Variants in LRRC31 observed in about 807,000 individuals in gnomAD.
The protein encoded by LRRC31 is leucine rich repeat containing 31.
A neutral mutation model predicts 46.7 loss-of-function variants in LRRC31; 35 were observed. That is an observed-to-expected ratio of 0.75 (90% CI 0.57 to 0.99). The LOEUF is 0.99. LRRC31 is among the 50% of genes least tolerant of loss of function. The pLI is 0.00. For missense variants in LRRC31, 613 were observed against 626.1 expected, an observed-to-expected ratio of 0.98 and a Z score of 0.22; for synonymous variants, 236 against 235.1, an observed-to-expected ratio of 1.00 and a Z score of -0.03.
intron 5 of LRRC31, among the ~76,000 whole-genome samples, chr3:169,855,274 C>T (rs1026132196): frequency 1.3e-5 from 2 of 151,998 alleles, no homozygotes; most frequent in East Asian, 1.9e-4. Flanking sequence ...TCTGACATAT[C>T]GCAAGGTGGT....
intron 1 of LRRC31, among the ~76,000 whole-genome samples, chr3:169,864,018 GTGTGTGTGTGT>G (rs976798866): frequency 2.6e-4 from 38 of 145,010 alleles, no homozygotes; most frequent in African/African-American, 1.0e-3. Flanking sequence ...GTGTGTGTGT[GTGTGTGTGTGT>G]TATTTTTGTA....
chr3:169,840,172 AG>A lies in LRRC31; in HGVS notation c.1468del (p.Leu490PhefsTer20), dbSNP rs756601897. 1.7e-5 allele frequency: 27 copies of A among 1,614,040 alleles called. No homozygotes were observed. The highest frequency in any genetic ancestry group is 1.6e-4 in the Middle Eastern group (1 of 6,084). On this transcript the variant is annotated frameshift_variant, in exon 9 of 9. Transcript: ENST00000316428. LOFTEE classifies it low-confidence loss of function (END_TRUNC). ...ACAATCTCGAAAATTTGATGGTCGA[AG>A]GCTAATATCCAGCTCGATTAGCTCT... ...LKELIELDIS[L>X]RPSNFRDCGQ...
chr3:169,861,225 C>T (rs1781142312), intron 2 of LRRC31, among the ~76,000 whole-genome samples: 1 of 151,398 alleles, frequency 6.6e-6, no homozygotes, highest in Admixed American at 6.6e-5. Context: ...CCCGCCACCA[C>T]GCCTGGCTAA....
intron 5 of LRRC31, 69 bp downstream of exon 5, chr3:169,856,267 T>C: frequency 1.2e-6 from 1 of 859,272 alleles, no homozygotes. Context: ...AACTTTTCAA[T>C]ATATATATTT....
At position 169,840,271 on chromosome 3, in the gene LRRC31, A is replaced by G. The variant is rs1004777113; in HGVS notation, c.1370T>C (p.Leu457Pro). 2.5e-6 allele frequency: 4 copies of G among 1,614,062 alleles called. No individual in the cohort carries two copies. The highest frequency in any genetic ancestry group is 2.7e-5 in the African/African-American group (2 of 74,918). Residue 457 changes from leucine to proline, a missense_variant, in exon 9 of 9, where the codon CTG becomes CCG. Physicochemically the swap from Leu to Pro is moderately conservative, Grantham distance 98 (BLOSUM62 -3). Transcript: ENST00000316428. ...GATGCTGTCATTGTAGCTCAGGTCCAGCTTTTGCAGTTTGGCCAGATGACC... is the reference window on the plus strand; with the variant it reads ...GATGCTGTCATTGTAGCTCAGGTCCGGCTTTTGCAGTTTGGCCAGATGACC... Reference protein sequence around the residue: ...QTGHLAKLQKLDLSYNDSICD... With the variant: ...QTGHLAKLQKPDLSYNDSICD...
At chr3:169,843,855 G>C (rs537477097) in intron 8 of LRRC31, among the ~76,000 whole-genome samples, 2 of 152,206 alleles carry the variant, frequency 1.3e-5, no homozygotes, top group South Asian at 4.2e-4. Flanking sequence ...AGATGAAATG[G>C]GCCAATTTCT....
chr3:169,846,752 C>T (rs1268098961), intron 8 of LRRC31, among the ~76,000 whole-genome samples: 1 of 152,204 alleles, frequency 6.6e-6, no homozygotes, highest in Non-Finnish European at 1.5e-5. Context: ...GGACAGGCCA[C>T]TTCTACAAAC....
At chr3:169,868,235 A>C (rs1398244620) in intron 1 of LRRC31, among the ~76,000 whole-genome samples, 1 of 152,126 alleles carries the variant, frequency 6.6e-6, no homozygotes, top group African/African-American at 2.4e-5. Flanking sequence ...ACTCTCTCTC[A>C]AGCACTCTAG....
intron 6 of LRRC31, chr3:169,853,731 G>T: frequency 1.0e-6 from 1 of 982,400 alleles, no homozygotes. Flanking sequence ...AGAGATAAGA[G>T]TCTGAAAGAT....
intron 7 of LRRC31, among the ~76,000 whole-genome samples, chr3:169,850,947 T>A (rs1223232224): frequency 6.6e-6 from 1 of 152,120 alleles, no homozygotes; most frequent in African/African-American, 2.4e-5. Context: ...CTCCCTTTAC[T>A]TGCTGACACT....
chr3:169,860,687 T>C lies in LRRC31; in HGVS notation c.361A>G (p.Ile121Val). ...PFLPDLEELD[I>V]SWNGFVGGTL... ...CCACCTACAAAACCATTCCAGGAGA[T>C]ATCCAGTTCTTCCAAGTCTGGGAGA... Residue 121 changes from isoleucine to valine, a missense_variant, in exon 3 of 9, where the codon ATC becomes GTC. Coordinates refer to ENST00000316428, the MANE Select transcript of LRRC31 (RefSeq NM_024727.4). 1.2e-6 allele frequency: 2 copies of C among 1,614,110 alleles called. No homozygotes were observed. Among genetic ancestry groups the C allele is most frequent in the Non-Finnish European group, 1.7e-6 (2 of 1,179,990 alleles).
intron 3 of LRRC31, among the ~76,000 whole-genome samples, chr3:169,860,086 G>T (rs1356228998): frequency 6.6e-6 from 1 of 151,842 alleles, no homozygotes; most frequent in Non-Finnish European, 1.5e-5. Context: ...AGAGGTTGCA[G>T]TGAGCCGAGA....
rs143295739 is a variant in LRRC31, at chr3:169,847,203, G to A, written c.1327+917C>T. On this transcript the variant is annotated intron_variant, in intron 8 of 8. Coordinates refer to ENST00000316428, the MANE Select transcript of LRRC31 (RefSeq NM_024727.4). ...TTTATTTTGTTTTGTTTTGTTTTTT[G>A]AGAAGGAGTTTCGCCCCTGCTGCCC... Among the ~76,000 whole-genome samples the A allele has an allele frequency of 8.9e-4, 136 of 152,226 alleles. 1 individual carries two copies. The East Asian group carries it at 0.024, about 27-fold the overall frequency.
chr3:169,861,687 G>A lies in LRRC31; in HGVS notation c.302C>T (p.Ala101Val), dbSNP rs1355241684. The A allele has an allele frequency of 7.4e-6, 12 of 1,613,778 alleles. No homozygotes were observed. Among genetic ancestry groups the A allele is most frequent in the South Asian group, 1.1e-5 (1 of 91,066 alleles). ...LDLNNCGLTT[A>V]DMKEMVALLP... Reference sequence around the variant, plus strand: ...ATACAGACCCATTTCTTTCATGTCCGCTGTTGTTAATCCACAGTTATTCAA... The same window carrying A: ...ATACAGACCCATTTCTTTCATGTCCACTGTTGTTAATCCACAGTTATTCAA... The change falls in exon 2 of 9, where the codon GCG becomes GTG. Residue 101 changes from alanine (A) to valine (V), a missense_variant. Ala to Val is a moderately conservative substitution (Grantham distance 64). Transcript: ENST00000316428.
chr3:169,841,488 C>A (rs750288656), intron 8 of LRRC31, among the ~76,000 whole-genome samples: 59 of 152,330 alleles, frequency 3.9e-4, no homozygotes, highest in Non-Finnish European at 6.6e-4. Context: ...CAGCTGCACT[C>A]TGTCTCTAGG....
At chr3:169,851,529 T>G (rs1261742300) in intron 7 of LRRC31, 90 bp downstream of exon 7, 2 of 1,317,998 alleles carry the variant, frequency 1.5e-6, no homozygotes, top group Non-Finnish European at 2.1e-6. Context: ...CTTCGCAAAC[T>G]GGCTGAGCCT....
chr3:169,861,385 GA>G (rs796207625), intron 2 of LRRC31, among the ~76,000 whole-genome samples: 1 of 136,850 alleles, frequency 7.3e-6, no homozygotes, highest in Non-Finnish European at 1.6e-5. Flanking sequence ...AAAAAAAAAA[GA>G]AAAAAGAAAA....
intron 1 of LRRC31, among the ~76,000 whole-genome samples, chr3:169,865,660 T>C (rs1781308743): frequency 6.6e-6 from 1 of 152,146 alleles, no homozygotes; most frequent in Non-Finnish European, 1.5e-5. Flanking sequence ...ACCGTTACCG[T>C]ATAGATGAGA....
At position 169,840,072 on chromosome 3, in the gene LRRC31, C is replaced by A; in HGVS notation, c.1569G>T (p.Trp523Cys). ...CTTCCTCCTGTGAAGCTGGGAGAAT[C>A]CATCTTTTCATTCCTATCTCAGTGA... ...PQITEIGMKRWILPASQEEEL... is the reference protein window; with the variant it reads ...PQITEIGMKRCILPASQEEEL... The change falls in exon 9 of 9, where the codon TGG (tryptophan) becomes TGT (cysteine). Residue 523 changes from tryptophan to cysteine, a missense_variant. Trp to Cys is a radical substitution (Grantham distance 215). Coordinates refer to ENST00000316428, the MANE Select transcript of LRRC31 (RefSeq NM_024727.4). The A allele has an allele frequency of 6.2e-7, 1 of 1,614,046 alleles. No homozygotes were observed. The highest frequency in any genetic ancestry group is 1.3e-5 in the African/African-American group (1 of 75,010).
Sources: gnomAD v4.1 joint callset for allele counts (sites outside exome capture counted in the v4.1 genomes callset) on GRCh38, gnomAD v4.1.1 for gene constraint, MANE v1.5 for transcripts, NCBI Gene and HGNC (gene_info 2026-07-23, HGNC 2026-07-21) for gene names.